The following CHN2 variants were observed in gnomAD, a reference collection of about 807,000 sequenced individuals.
The protein encoded by CHN2 is chimerin 2.
CHN2 carries 35 observed loss-of-function variants against 56.3 expected under a neutral mutation model. The observed-to-expected ratio is 0.62, with a 90% CI of 0.47 to 0.82. The LOEUF (loss-of-function observed/expected upper bound fraction) is 0.82, where lower values mean the gene tolerates loss of function less well. CHN2 is among the 40% of genes least tolerant of loss of function. The pLI is 0.00. For synonymous variants in CHN2, 210 were observed against 212.8 expected (o/e 0.99, Z 0.12); for missense variants, 491 against 580.5 (o/e 0.85, Z 1.58).
At chr7:29,440,651 C>T (rs1783568204) in intron 6 of CHN2, among the ~76,000 whole-genome samples, 1 of 140,074 alleles carries the variant, frequency 7.1e-6, no homozygotes, top group Admixed American at 7.7e-5. Flanking sequence ...TGCCACTACA[C>T]TCCAGCCTGG....
intron 1 of CHN2, among the ~76,000 whole-genome samples, chr7:29,247,617 T>C (rs1788176917): frequency 6.6e-6 from 1 of 152,168 alleles, no homozygotes; most frequent in South Asian, 2.1e-4. Flanking sequence ...GATTGTCAGC[T>C]CCTGGGTGAC....
chr7:29,273,390 C>CAT (rs1790911342), intron 1 of CHN2, among the ~76,000 whole-genome samples: 3 of 33,788 alleles, frequency 8.9e-5, no homozygotes, highest in East Asian at 1.4e-3. Flanking sequence ...TATATATATA[C>CAT]ACACACCACA....
At chr7:29,393,188 A>G (rs577175507) in intron 3 of CHN2, among the ~76,000 whole-genome samples, 1 of 152,370 alleles carries the variant, frequency 6.6e-6, no homozygotes, top group South Asian at 2.1e-4. Flanking sequence ...CACATGTTGA[A>G]AAAATAAGAA....
chr7:29,371,737 C>CG (rs1374867813), intron 3 of CHN2, among the ~76,000 whole-genome samples: 1 of 152,132 alleles, frequency 6.6e-6, no homozygotes, highest in Non-Finnish European at 1.5e-5. Flanking sequence ...AACTAGGCCC[C>CG]GCTCCATTGG....
chr7:29,415,057 ATAAT>A (rs1353104438), intron 6 of CHN2, among the ~76,000 whole-genome samples: 6 of 152,016 alleles, frequency 3.9e-5, no homozygotes, highest in African/African-American at 9.7e-5. Flanking sequence ...TTAACTATTA[ATAAT>A]TAATAATAAT....
chr7:29,157,664 G>C (rs1794594964), intron 2 of CHN2, among the ~76,000 whole-genome samples: 2 of 152,260 alleles, frequency 1.3e-5, no homozygotes, highest in African/African-American at 4.8e-5. Context: ...TGTTTCATTG[G>C]AGATAAATCC....
intron 6 of CHN2, among the ~76,000 whole-genome samples, chr7:29,453,970 C>T (rs954341049): frequency 1.3e-5 from 2 of 152,136 alleles, no homozygotes; most frequent in Admixed American, 6.5e-5. Context: ...CGTCACGGCC[C>T]GAAATCTCCA....
rs151298696 is a variant in CHN2 at position 29,266,921 on chromosome 7, C to T, written c.49+71931C>T. On this transcript the variant is annotated intron_variant, in intron 1 of 12. Transcript: ENST00000222792. ...CTCTGTCTCCTCTTTTGGAAGAGCACAGATGAAGTGCAATTGGCCCTTCTC... is the reference window on the plus strand; with the variant it reads ...CTCTGTCTCCTCTTTTGGAAGAGCATAGATGAAGTGCAATTGGCCCTTCTC... 1.4e-3 allele frequency among the ~76,000 whole-genome samples: 208 copies of T among 148,214 alleles called. 4 individuals are homozygous for T. Among genetic ancestry groups the T allele is most frequent in the Middle Eastern group, 6.9e-3 (2 of 288 alleles).
intron 1 of CHN2, among the ~76,000 whole-genome samples, chr7:29,196,346 T>G (rs184307901): frequency 6.6e-6 from 1 of 152,278 alleles, no homozygotes; most frequent in East Asian, 1.9e-4. Context: ...TTGTTAGGTG[T>G]GTGATATAGT....
At chr7:29,389,413 G>GT (rs1437042272) in intron 3 of CHN2, among the ~76,000 whole-genome samples, 1 of 152,126 alleles carries the variant, frequency 6.6e-6, no homozygotes, top group Non-Finnish European at 1.5e-5. Flanking sequence ...TCTGACTTTA[G>GT]TATATGCTTT....
intron 1 of CHN2, among the ~76,000 whole-genome samples, chr7:29,339,069 C>A (rs61653900): frequency 0.028 from 4,260 of 152,136 alleles, 189 homozygotes; most frequent in African/African-American, 0.096. Context: ...TTATTTTGAA[C>A]CCTCAATTAC....
At chr7:29,352,573 A>C (rs1439660089) in intron 1 of CHN2, among the ~76,000 whole-genome samples, 1 of 151,968 alleles carries the variant, frequency 6.6e-6, no homozygotes, top group Non-Finnish European at 1.5e-5. Context: ...AAATACAAAA[A>C]TTAGCTGGGT....
intron 1 of CHN2, among the ~76,000 whole-genome samples, chr7:29,343,419 T>A (rs1356060200): frequency 6.6e-6 from 1 of 152,082 alleles, no homozygotes; most frequent in Admixed American, 6.6e-5. Flanking sequence ...ATTGCCACCA[T>A]TTGCTTTCAT....
intron 7 of CHN2, among the ~76,000 whole-genome samples, chr7:29,491,537 T>C (rs1463940067): frequency 6.6e-6 from 1 of 152,120 alleles, no homozygotes; most frequent in Non-Finnish European, 1.5e-5. Context: ...GTCTCCTGAG[T>C]AGCTAGGACT....
chr7:29,263,128 G>A (rs1789707949), intron 1 of CHN2, among the ~76,000 whole-genome samples: 1 of 152,092 alleles, frequency 6.6e-6, no homozygotes, highest in Non-Finnish European at 1.5e-5. Flanking sequence ...CAGCCTCCCT[G>A]CCTGACTCTC....
At chr7:29,228,301 T>A (rs39069) in intron 1 of CHN2, among the ~76,000 whole-genome samples, 55,149 of 151,974 alleles carry the variant, frequency 0.36, 10,382 homozygotes, top group Admixed American at 0.44. Flanking sequence ...AAGATTATAA[T>A]GCAGTATTTT....
intron 6 of CHN2, among the ~76,000 whole-genome samples, chr7:29,465,475 C>T (rs1482940699): frequency 6.6e-6 from 1 of 152,124 alleles, no homozygotes; most frequent in Non-Finnish European, 1.5e-5. Context: ...ACTTTTCATC[C>T]TCTGAGGAAC....
chr7:29,195,240 G>A (rs1301220408), intron 1 of CHN2: 3 of 432,448 alleles, frequency 6.9e-6, no homozygotes, highest in South Asian at 9.9e-5. Flanking sequence ...CGGGTGTTCC[G>A]GGGCTTGGAG....
At position 29,279,056 on chromosome 7, in the gene CHN2, C is replaced by T. The variant is rs115084303; in HGVS notation, c.50-75569C>T. Among the ~76,000 whole-genome samples, 594 of 152,048 alleles carry T rather than the reference C, an allele frequency of 3.9e-3. 4 individuals are homozygous for T. Among genetic ancestry groups the T allele is most frequent in the African/African-American group, 0.014 (563 of 41,472 alleles). On this transcript the variant is annotated intron_variant, in intron 1 of 12. Coordinates refer to ENST00000222792, the MANE Select transcript of CHN2 (RefSeq NM_004067.4). ...CTTCCTTCTCTCTGCAATGGACCTTCCATAGCCATGCTTGTAGCTTGAGCG... is the reference window on the plus strand; with the variant it reads ...CTTCCTTCTCTCTGCAATGGACCTTTCATAGCCATGCTTGTAGCTTGAGCG...
Sources: gnomAD v4.1 joint callset for allele counts (sites outside exome capture counted in the v4.1 genomes callset) on GRCh38, gnomAD v4.1.1 for gene constraint, MANE v1.5 for transcripts, NCBI Gene and HGNC (gene_info 2026-07-23, HGNC 2026-07-21) for gene names.